The following ZNF7 variants were observed in gnomAD, a reference collection of about 807,000 sequenced individuals.
ZNF7 encodes C2-H2 type zinc finger protein.
Under a neutral mutation model 12.0 loss-of-function variants are expected in ZNF7, and 10 were observed. That is an observed-to-expected ratio of 0.83 (90% CI 0.51 to 1.42). The LOEUF (loss-of-function observed/expected upper bound fraction) is 1.42, where lower values mean the gene tolerates loss of function less well. ZNF7 is among the 40% of genes most tolerant of loss of function. The pLI is 0.00. For synonymous variants in ZNF7, 334 were observed against 295.0 expected (o/e 1.13, Z -1.35); for missense variants, 854 against 837.2 (o/e 1.02, Z -0.25).
At chr8:144,837,300 C>T (rs1829123744) in intron 3 of ZNF7, 91 bp from the exon 4 acceptor site, 1 of 1,120,712 alleles carries the variant, frequency 8.9e-7, no homozygotes, top group Non-Finnish European at 1.3e-6. Context: ...GCCCCCCTGC[C>T]CCTTTCCATT....
chr8:144,842,712 T>C lies in ZNF7; in HGVS notation c.1605T>C (p.Ser535=), dbSNP rs1220009822. 22 of 1,613,910 alleles carry C rather than the reference T, an allele frequency of 1.4e-5. No homozygotes were observed. The highest frequency in any genetic ancestry group is 1.8e-5 in the Non-Finnish European group (21 of 1,180,008). The change falls in exon 5 of 5, where the codon AGT becomes AGC. Residue 535 remains serine (S), a synonymous_variant. Transcript: ENST00000532777. ...GCCTCCAATGCGGAAAAGCCTTCAG[T>C]ATGAGCACACAGCTTACAATACATC... ...YECLQCGKAF[S]MSTQLTIHQR...
intron 1 of ZNF7, among the ~76,000 whole-genome samples, chr8:144,828,348 T>C (rs1261518617): frequency 2.6e-5 from 4 of 152,192 alleles, no homozygotes; most frequent in African/African-American, 9.7e-5. Flanking sequence ...GAGACTGGAA[T>C]TTATGTACTT....
chr8:144,841,521 T>A lies in ZNF7; in HGVS notation c.414T>A (p.Ser138Arg). ...TCTGGTTAGACAGTCATCTGGGCAG[T>A]CCCGGGCTGAAAGTGACAGGCTTTA... ...SEVWLDSHLG[S>R]PGLKVTGFTF... The change falls in exon 5 of 5, where the codon AGT (serine) becomes AGA (arginine). Residue 138 changes from serine to arginine, a missense_variant. Coordinates refer to ENST00000532777, the MANE Select transcript of ZNF7 (RefSeq NM_003416.4). 3.1e-6 allele frequency: 5 copies of A among 1,614,170 alleles called. No individual in the cohort carries two copies. The highest frequency in any genetic ancestry group is 4.2e-6 in the Non-Finnish European group (5 of 1,180,034).
chr8:144,834,323 G>C (rs1384372456), intron 3 of ZNF7: 1 of 152,184 alleles, frequency 6.6e-6, no homozygotes, highest in Non-Finnish European at 1.5e-5. Context: ...TCCAGCAGGA[G>C]GATTCCTGCA....
Position 144,842,023 on chromosome 8 carries a change from T to C in ZNF7, c.916T>C (p.Tyr306His). 1 of 1,614,204 alleles carries C rather than the reference T, an allele frequency of 6.2e-7. No individual in the cohort carries two copies. Among genetic ancestry groups the C allele is most frequent in the Non-Finnish European group, 8.5e-7 (1 of 1,180,030 alleles). The change falls in exon 5 of 5, where the codon TAC (tyrosine) becomes CAC (histidine). Residue 306 changes from tyrosine (Y) to histidine (H), a missense_variant. By Grantham distance (83) the Tyr-to-His change is moderately conservative. Coordinates refer to ENST00000532777, the MANE Select transcript of ZNF7 (RefSeq NM_003416.4). ...AAGAATCCACACTGGGGAGAAGCCC[T>C]ACAGATGTGAGGAATGTGGAAAAGC... Reference protein sequence around the residue: ...HQRIHTGEKPYRCEECGKAFG... With the variant: ...HQRIHTGEKPHRCEECGKAFG...
rs946662077 is a variant in ZNF7, at chr8:144,842,524, G to A, written c.1417G>A (p.Glu473Lys). The A allele has an allele frequency of 1.2e-6, 2 of 1,614,176 alleles. No homozygotes were observed. Among genetic ancestry groups the A allele is most frequent in the African/African-American group, 2.7e-5 (2 of 75,058 alleles). ...HTGEKPFKCD[E>K]CGKGFVQGSH... Reference sequence around the variant, plus strand: ...TGGAGAAAAACCATTTAAATGTGATGAGTGTGGCAAAGGCTTTGTTCAGGG... The same window carrying A: ...TGGAGAAAAACCATTTAAATGTGATAAGTGTGGCAAAGGCTTTGTTCAGGG... Residue 473 changes from glutamate (E) to lysine (K), a missense_variant, in exon 5 of 5, where the codon GAG becomes AAG. Physicochemically the swap from Glu to Lys is moderately conservative, Grantham distance 56. Transcript: ENST00000532777.
rs191250917 is a variant in ZNF7, at chr8:144,843,347, T to G, written c.*179T>G. 13,603 of 723,616 alleles carry G rather than the reference T, an allele frequency of 0.019. 173 individuals are homozygous for G. Among genetic ancestry groups the G allele is most frequent in the Non-Finnish European group, 0.024 (11,214 of 477,164 alleles). The allele number at this position is 723,616 out of a possible 1,614,324, so 44.8% of individuals were successfully genotyped here. On this transcript the variant is annotated 3_prime_UTR_variant, in exon 5 of 5. Coordinates refer to ENST00000532777, the MANE Select transcript of ZNF7 (RefSeq NM_003416.4). ...GCTTATGCCTGTCATCCCAGCACTTTGGGAGGCCAAGGCGGGCACATCACG... is the reference window on the plus strand; with the variant it reads ...GCTTATGCCTGTCATCCCAGCACTTGGGGAGGCCAAGGCGGGCACATCACG...
At chr8:144,831,753 G>A (rs10283146) in intron 3 of ZNF7, among the ~76,000 whole-genome samples, 7,109 of 93,414 alleles carry the variant, frequency 0.076, 1,897 homozygotes, top group African/African-American at 0.22. Context: ...ACTGCAATCC[G>A]GCCTGGGCAA....
chr8:144,845,393 T>G (rs1278286380), downstream of ZNF7, among the ~76,000 whole-genome samples: 1 of 151,924 alleles, frequency 6.6e-6, no homozygotes, highest in African/African-American at 2.4e-5. Flanking sequence ...CTCAGTTTTT[T>G]TTTTGCTGCT....
chr8:144,846,027 C>T (rs569015446), downstream of ZNF7: 90 of 1,536,568 alleles, frequency 5.9e-5, no homozygotes, highest in Non-Finnish European at 7.7e-5. Context: ...CACCCACATG[C>T]ACCGCCTGCA....
At chr8:144,834,550 G>A (rs1015673175) in intron 3 of ZNF7, 5 of 151,962 alleles carry the variant, frequency 3.3e-5, no homozygotes, top group African/African-American at 4.8e-5. Context: ...TTTGAGACAC[G>A]TGATTTATTT....
chr8:144,844,560 A>G (rs1040177852), downstream of ZNF7, among the ~76,000 whole-genome samples: 21 of 151,924 alleles, frequency 1.4e-4, no homozygotes, highest in African/African-American at 5.1e-4. Flanking sequence ...AATACAAAAA[A>G]TTAGCCGGGC....
At chr8:144,828,149 C>T (rs1028795075) in intron 1 of ZNF7, 1 of 152,226 alleles carries the variant, frequency 6.6e-6, no homozygotes, top group Non-Finnish European at 1.5e-5. Flanking sequence ...TGCCGGTGAC[C>T]TGGGGCTTCC....
chr8:144,838,399 C>T, intron 4 of ZNF7: 1 of 470,998 alleles, frequency 2.1e-6, no homozygotes, highest in Non-Finnish European at 3.8e-6. Flanking sequence ...CTGCCTCCGG[C>T]ATCAGCTCCT....
Position 144,843,341 on chromosome 8 carries a change from G to A in ZNF7, c.*173G>A. 2 of 783,886 alleles carry A rather than the reference G, an allele frequency of 2.6e-6. No individual in the cohort carries two copies. Among genetic ancestry groups the A allele is most frequent in the Non-Finnish European group, 3.8e-6 (2 of 529,162 alleles). 48.6% of individuals were successfully genotyped at this position (783,886 alleles called of 1,614,324 possible). ...GTGGTGGCTTATGCCTGTCATCCCA[G>A]CACTTTGGGAGGCCAAGGCGGGCAC... On this transcript the variant is annotated 3_prime_UTR_variant, in exon 5 of 5. Coordinates refer to ENST00000532777, the MANE Select transcript of ZNF7 (RefSeq NM_003416.4).
chr8:144,840,800 G>C (rs910097238), intron 4 of ZNF7, among the ~76,000 whole-genome samples: 1 of 152,124 alleles, frequency 6.6e-6, no homozygotes, highest in Non-Finnish European at 1.5e-5. Flanking sequence ...GGCAGCTGAG[G>C]GGGCTGGGTC....
At chr8:144,846,222 C>A (rs1380570202), downstream of ZNF7, 1 of 1,513,220 alleles carries the variant, frequency 6.6e-7, no homozygotes. Context: ...GTTCTTTTCA[C>A]TAACAGCAAC....
At chr8:144,837,629 AC>A in intron 4 of ZNF7, 122 bp downstream of exon 4, 2 of 683,592 alleles carry the variant, frequency 2.9e-6, no homozygotes, top group Non-Finnish European at 4.8e-6. Context: ...TGGGAATGCT[AC>A]TGGGGAAGCA....
chr8:144,829,147 C>T (rs1828141070), intron 2 of ZNF7, 57 bp downstream of exon 2: 1 of 1,611,028 alleles, frequency 6.2e-7, no homozygotes, highest in Non-Finnish European at 8.5e-7. Context: ...CCACCTCCTG[C>T]TCTGCCCACT....
Sources: allele counts gnomAD v4.1 joint callset (sites outside exome capture counted in the v4.1 genomes callset), GRCh38; gene constraint gnomAD v4.1.1; transcripts MANE v1.5; gene names NCBI Gene and HGNC (gene_info 2026-07-23, HGNC 2026-07-21).